Variants in WDR13 observed in about 807,000 individuals in gnomAD.
The protein encoded by WDR13 is WD repeat-containing protein 13.
A neutral mutation model predicts 28.6 loss-of-function variants in WDR13; 1 was observed. The observed-to-expected ratio is 0.03, with a 90% confidence interval of 0.01 to 0.17. WDR13 has a LOEUF of 0.17. Ranked by LOEUF, WDR13 falls within the 10% of genes least tolerant of loss-of-function variation. The pLI, the probability that WDR13 is intolerant of heterozygous loss-of-function variation, is 1.00. For missense variants in WDR13, 264 were observed against 469.3 expected, an observed-to-expected ratio of 0.56 and a Z score of 4.04; for synonymous variants, 201 against 185.9, an observed-to-expected ratio of 1.08 and a Z score of -0.66.
intron 8 of WDR13, 78 bp downstream of exon 8, chrX:48,602,284 C>T: frequency 3.8e-6 from 4 of 1,066,453 alleles, no homozygotes; most frequent in East Asian, 6.1e-5. Context: ...TCATCTCCTC[C>T]ATCAGGTTAA....
chrX:48,598,197 G>A (rs1022904290), intron 2 of WDR13, 160 bp downstream of exon 2: 2 of 1,128,188 alleles, frequency 1.8e-6, no homozygotes, highest in Non-Finnish European at 2.3e-6. Flanking sequence ...GCGGTGAGTT[G>A]GCTGCGCCGG....
Position 48,608,394 on chromosome X carries a change from G to C in WDR13, c.*3362G>C, listed in dbSNP as rs2062234288. On this transcript the variant is annotated 3_prime_UTR_variant, in exon 10 of 10. Transcript: ENST00000376729. ...GCCTACCAAAGTGCTGGCGTTACAG[G>C]TGTGAGCCACCACACCCGGCCCGAG... 9.0e-6 allele frequency: 1 copy of C among 111,699 alleles called. No homozygotes were observed. Among genetic ancestry groups the C allele is most frequent in the African/African-American group, 3.3e-5 (1 of 30,719 alleles). The allele number at this position is 111,699 out of a possible 1,213,427, so 9.2% of individuals were successfully genotyped here.
intron 8 of WDR13, among the ~76,000 whole-genome samples, chrX:48,603,252 A>C (rs1431169470): frequency 8.9e-6 from 1 of 112,411 alleles, no homozygotes; most frequent in Non-Finnish European, 1.9e-5. Flanking sequence ...TCTTGGCCTC[A>C]AGTGATCCTT....
rs1162847204 is a variant in WDR13, at chrX:48,598,653, C to A, written c.42-64C>A. 257 of 965,487 alleles carry A rather than the reference C, an allele frequency of 2.7e-4. 5 individuals carry two copies. Among genetic ancestry groups the A allele is most frequent in the South Asian group, 8.6e-4 (32 of 37,168 alleles). The allele number at this position is 965,487 out of a possible 1,213,427, so 79.6% of individuals were successfully genotyped here. On this transcript the variant is annotated intron_variant, in intron 2 of 9. Coordinates refer to ENST00000376729, the MANE Select transcript of WDR13 (RefSeq NM_001347217.2). ...ACCTCACTCTCCTGCCGTACCCCCCCCCCCGAGCTGATTGATTCCCTCTGT... is the reference window on the plus strand; with the variant it reads ...ACCTCACTCTCCTGCCGTACCCCCCACCCCGAGCTGATTGATTCCCTCTGT...
intron 3 of WDR13, 188 bp downstream of exon 3, chrX:48,599,145 C>A: frequency 1.4e-6 from 1 of 739,009 alleles, no homozygotes; most frequent in Admixed American, 4.0e-5. Flanking sequence ...ATAGCAAGCC[C>A]TGTCTTTAGT....
chrX:48,602,146 G>A lies in WDR13; in HGVS notation c.1094G>A (p.Arg365His). The A allele has an allele frequency of 1.7e-6, 2 of 1,211,544 alleles. No homozygotes were observed. Among genetic ancestry groups the A allele is most frequent in the South Asian group, 1.8e-5 (1 of 56,984 alleles). The change falls in exon 8 of 10, where the codon CGC becomes CAC. Residue 365 changes from arginine (R) to histidine (H), a missense_variant. This residue lies in a region of WDR13 where 157 missense variants were observed against 270.2 expected (regional missense o/e 0.58). Transcript: ENST00000376729. Reference sequence around the variant, plus strand: ...ATCTCAGCCCGGTCCTGGGTCAGCCGCGAGGCCCGGGATCCCTCACTGCTC... The same window carrying A: ...ATCTCAGCCCGGTCCTGGGTCAGCCACGAGGCCCGGGATCCCTCACTGCTC... Reference protein sequence around the residue: ...TSISARSWVSREARDPSLLIN... With the variant: ...TSISARSWVSHEARDPSLLIN...
chrX:48,599,373 G>A lies in WDR13; in HGVS notation c.303G>A (p.Arg101=). ...DRMEDFEDDP[R]ALGARGHRRS... ...TGCAGGACTTTGAGGATGATCCTCG[G>A]GCCCTGGGGGCCCGTGGGCACCGTC... The change falls in exon 4 of 10, where the codon CGG becomes CGA. Residue 101 remains arginine (R), a synonymous_variant. Transcript: ENST00000376729. 8.3e-7 allele frequency: 1 copy of A among 1,201,500 alleles called. No individual in the cohort carries two copies. The highest frequency in any genetic ancestry group is 1.1e-6 in the Non-Finnish European group (1 of 891,294).
intron 6 of WDR13, 148 bp downstream of exon 6, chrX:48,600,774 G>A: frequency 1.5e-6 from 1 of 675,042 alleles, no homozygotes; most frequent in Non-Finnish European, 2.1e-6. Flanking sequence ...GTCCTAGTGT[G>A]GTCAGACTTA....
Position 48,607,655 on chromosome X carries a change from C to T in WDR13, c.*2623C>T, listed in dbSNP as rs2062229720. On this transcript the variant is annotated 3_prime_UTR_variant, in exon 10 of 10. Transcript: ENST00000376729. Reference sequence around the variant, plus strand: ...ACTGCTGGGATTACAGGCGTGAGCACCTGGCTGGTATCAAGTTTTTATTGG... The same window carrying T: ...ACTGCTGGGATTACAGGCGTGAGCATCTGGCTGGTATCAAGTTTTTATTGG... The T allele has an allele frequency of 9.1e-6, 1 of 109,470 alleles. No individual in the cohort carries two copies. The highest frequency in any genetic ancestry group is 3.9e-4 in the South Asian group (1 of 2,551). 9.0% of individuals were successfully genotyped at this position (109,470 alleles called of 1,213,427 possible). A position where few individuals can be genotyped will look rare whatever the true frequency, so the allele number is the denominator to read the frequency against.
rs782287657 is a variant in WDR13, at chrX:48,602,378, C to T, written c.1154+172C>T. Among the ~76,000 whole-genome samples the T allele has an allele frequency of 7.5e-4, 83 of 111,369 alleles. 1 individual carries two copies. In the South Asian group the frequency reaches 0.022, roughly 30 times the overall value. On this transcript the variant is annotated intron_variant, in intron 8 of 9. Coordinates refer to ENST00000376729, the MANE Select transcript of WDR13 (RefSeq NM_001347217.2). ...GCCATCACTGTGGCCAGGCCCTGTT[C>T]GAAGCAGTTTCCACGTATCACCACA...
At chrX:48,600,196 T>A (rs2062173868) in intron 5 of WDR13, 123 bp from the exon 6 acceptor site, 1 of 715,430 alleles carries the variant, frequency 1.4e-6, no homozygotes, top group Non-Finnish European at 2.0e-6. Context: ...GAAAGCCCTT[T>A]GCTGAGGCCA....
At chrX:48,603,591 C>T (rs782303618) in intron 8 of WDR13, among the ~76,000 whole-genome samples, 4 of 111,519 alleles carry the variant, frequency 3.6e-5, no homozygotes, top group East Asian at 2.8e-4. Flanking sequence ...GAGGTTGCAG[C>T]GAGGCGAGAT....
chrX:48,598,466 C>T, intron 2 of WDR13: 4 of 1,031,914 alleles, frequency 3.9e-6, no homozygotes, highest in East Asian at 7.7e-5. Context: ...CCAGTCACCC[C>T]GTAGGGACCC....
chrX:48,601,557 G>A (rs973100020), intron 6 of WDR13, among the ~76,000 whole-genome samples: 2 of 112,411 alleles, frequency 1.8e-5, no homozygotes, highest in African/African-American at 3.2e-5. Flanking sequence ...TGATGGCTCT[G>A]AAGGCCCTTT....
rs1454241567 is a variant in WDR13 at position 48,605,227 on chromosome X, C to T, written c.*195C>T. 4.4e-5 allele frequency: 20 copies of T among 454,526 alleles called. No individual in the cohort carries two copies. The South Asian group carries it at 5.6e-4, about 13-fold the overall frequency. 37.5% of individuals were successfully genotyped at this position (454,526 alleles called of 1,213,427 possible). Reference sequence around the variant, plus strand: ...ACTCATTTGTGCATTCATGCATCGACGGATTCATTCATTCCACAAGCATTG... The same window carrying T: ...ACTCATTTGTGCATTCATGCATCGATGGATTCATTCATTCCACAAGCATTG... On this transcript the variant is annotated 3_prime_UTR_variant, in exon 10 of 10. Coordinates refer to ENST00000376729, the MANE Select transcript of WDR13 (RefSeq NM_001347217.2).
rs1569488150 is a variant in WDR13, at chrX:48,599,415, C to T, written c.345C>T (p.Gly115=). The change falls in exon 4 of 10, where the codon GGC becomes GGT. Residue 115 remains glycine (G), a synonymous_variant. Transcript: ENST00000376729. ...GGCACCGTCGTTCTGTCAGCAGAGG[C>T]TCCTACCAGCTGCAGGCGCAGATGA... The part of the protein sequence containing the change: ...ARGHRRSVSR[G]SYQLQAQMNR... The T allele has an allele frequency of 5.0e-6, 6 of 1,210,996 alleles. No individual in the cohort carries two copies. The highest frequency in any genetic ancestry group is 3.0e-5 in the East Asian group (1 of 33,844).
At chrX:48,602,392 CG>C (rs2062193088) in intron 8 of WDR13, among the ~76,000 whole-genome samples, 186 bp downstream of exon 8, 1 of 111,517 alleles carries the variant, frequency 9.0e-6, no homozygotes, top group African/African-American at 3.3e-5. Flanking sequence ...GCAGTTTCCA[CG>C]TATCACCACA....
intron 9 of WDR13, 98 bp from the exon 10 acceptor site, chrX:48,604,750 C>T (rs2062210901): frequency 1.0e-6 from 1 of 997,571 alleles, no homozygotes; most frequent in South Asian, 2.3e-5. Flanking sequence ...GACCTCACAC[C>T]TCGGACATAC....
At position 48,600,398 on chromosome X, in the gene WDR13, G is replaced by T; in HGVS notation, c.603G>T (p.Gln201His). The T allele has an allele frequency of 8.3e-7, 1 of 1,211,588 alleles. No individual in the cohort carries two copies. Among genetic ancestry groups the T allele is most frequent in the Non-Finnish European group, 1.1e-6 (1 of 895,649 alleles). Residue 201 changes from glutamine to histidine, a missense_variant, in exon 6 of 10, where the codon CAG (glutamine) becomes CAT (histidine). Gln to His is a conservative substitution (Grantham distance 24). Transcript: ENST00000376729. The part of the protein sequence containing the change: ...CSLDGSISLC[Q>H]LVPAPPTVLR... ...TCGACGGCAGCATCTCCCTGTGCCAGCTGGTGCCTGCCCCACCCACAGTGC... is the reference window on the plus strand; with the variant it reads ...TCGACGGCAGCATCTCCCTGTGCCATCTGGTGCCTGCCCCACCCACAGTGC...
Sources: allele counts gnomAD v4.1 joint callset (sites outside exome capture counted in the v4.1 genomes callset), GRCh38; gene constraint gnomAD v4.1.1; regional missense constraint gnomAD v4.1.1; transcripts MANE v1.5; gene names NCBI Gene and HGNC (gene_info 2026-07-23, HGNC 2026-07-21).